Variants in CNNM4 observed in about 807,000 individuals in gnomAD.
CNNM4 encodes the protein metal transporter CNNM4.
In CNNM4, 32 loss-of-function variants were observed where a neutral mutation model predicts 53.7. The ratio of observed to expected loss-of-function variants is 0.60; its 90% CI spans 0.45 to 0.80. The LOEUF is 0.80. CNNM4 is among the 30% of genes least tolerant of loss of function. The probability of loss-of-function intolerance (pLI) is 0.00; values close to 1 mark genes in which losing one functional copy is unlikely to be tolerated. For missense variants in CNNM4, 784 were observed against 1,022.0 expected, an observed-to-expected ratio of 0.77 and a Z score of 3.17; for synonymous variants, 410 against 440.0, an observed-to-expected ratio of 0.93 and a Z score of 0.85.
In CNNM4 at chr2:96,810,775, T is replaced by A. The variant is rs916278651; in HGVS notation, c.*1258T>A. The A allele has an allele frequency of 6.6e-6, 1 of 152,260 alleles. No homozygotes were observed. Among genetic ancestry groups the A allele is most frequent in the African/African-American group, 2.4e-5 (1 of 41,458 alleles). The allele number at this position is 152,260 out of a possible 1,614,324, so 9.4% of individuals were successfully genotyped here. ...CTAAAGGCATGCAGCTTGCAGCCCC[T>A]CTTTCTCACACGTGTGATCCTAGCG... On this transcript the variant is annotated 3_prime_UTR_variant, in exon 7 of 7. Coordinates refer to ENST00000377075, the MANE Select transcript of CNNM4 (RefSeq NM_020184.4). This position sits in a 1 kb window ranked among gnomAD's most constrained non-coding sequence, Gnocchi z 4.1.
Position 96,797,286 on chromosome 2 carries a change from C to T in CNNM4, c.1546+131C>T. 7.2e-7 allele frequency: 1 copy of T among 1,397,484 alleles called. No individual in the cohort carries two copies. Among genetic ancestry groups the T allele is most frequent in the Non-Finnish European group, 1.0e-6 (1 of 1,002,646 alleles). 86.6% of individuals were successfully genotyped at this position (1,397,484 alleles called of 1,614,324 possible). Reference sequence around the variant, plus strand: ...TCCAGAGGCCCAGTGGCTGGGTGCCCTGCACTGGCCGGGGTGAGCAGGGAG... The same window carrying T: ...TCCAGAGGCCCAGTGGCTGGGTGCCTTGCACTGGCCGGGGTGAGCAGGGAG... On this transcript the variant is annotated intron_variant, in intron 2 of 6. Transcript: ENST00000377075. The surrounding 1 kb of genome is among the most constrained non-coding windows in gnomAD (Gnocchi z 6.0).
chr2:96,803,369 T>G (rs1246007689), intron 5 of CNNM4, among the ~76,000 whole-genome samples: 1 of 152,190 alleles, frequency 6.6e-6, no homozygotes, highest in Non-Finnish European at 1.5e-5. Context: ...AGCAAAAAAC[T>G]TTCCCTGTGT....
intron 1 of CNNM4, among the ~76,000 whole-genome samples, chr2:96,780,314 G>A (rs2078962781): frequency 6.6e-6 from 1 of 152,040 alleles, no homozygotes; most frequent in Non-Finnish European, 1.5e-5. Context: ...ACCCCAGCTG[G>A]GGTGTACTGT....
chr2:96,799,596 G>A lies in CNNM4; in HGVS notation c.1896G>A (p.Glu632=), dbSNP rs1411591278. 5 of 1,555,004 alleles carry A rather than the reference G, an allele frequency of 3.2e-6. No homozygotes were observed. In the African/African-American group the frequency reaches 6.8e-5, roughly 21 times the overall value. The change falls in exon 5 of 7, where the codon GAG becomes GAA. Residue 632 remains glutamate, a synonymous_variant. Transcript: ENST00000377075. ...CAGGGAAGGAGAACATGAAGTTTGAGACGGGCGCCTTCTCCTACTATGGGA... is the reference window on the plus strand; with the variant it reads ...CAGGGAAGGAGAACATGAAGTTTGAAACGGGCGCCTTCTCCTACTATGGGA... ...VEAGKENMKF[E]TGAFSYYGTM...
chr2:96,767,809 C>T (rs1374895334), intron 1 of CNNM4, among the ~76,000 whole-genome samples: 3 of 152,204 alleles, frequency 2.0e-5, no homozygotes, highest in African/African-American at 4.8e-5. Flanking sequence ...CTGTGGCTCA[C>T]GCCTGTAATC....
chr2:96,796,939 G>A, intron 1 of CNNM4, 73 bp from the exon 2 acceptor site: 2 of 1,516,582 alleles, frequency 1.3e-6, no homozygotes, highest in Non-Finnish European at 1.8e-6. Context: ...TACGTCTAGA[G>A]TTAATGTTTT....
At chr2:96,778,771 T>C (rs902762924) in intron 1 of CNNM4, among the ~76,000 whole-genome samples, 8 of 151,846 alleles carry the variant, frequency 5.3e-5, no homozygotes, top group Non-Finnish European at 1.2e-4. Flanking sequence ...GAACCCTTTA[T>C]CAGACATATG....
intron 1 of CNNM4, among the ~76,000 whole-genome samples, chr2:96,767,412 G>T (rs1392696598): frequency 6.6e-6 from 1 of 152,076 alleles, no homozygotes; most frequent in Non-Finnish European, 1.5e-5. Flanking sequence ...GTCCACCTTG[G>T]AATCTCAGAA....
chr2:96,790,028 A>T (rs1285731669), intron 1 of CNNM4, among the ~76,000 whole-genome samples: 5 of 55,504 alleles, frequency 9.0e-5, no homozygotes, highest in African/African-American at 1.5e-4. Context: ...TTTTTTTTTG[A>T]GACGGAGTCT....
At chr2:96,806,785 C>T (rs1239920454) in intron 5 of CNNM4, among the ~76,000 whole-genome samples, 2 of 152,064 alleles carry the variant, frequency 1.3e-5, no homozygotes, top group Non-Finnish European at 1.5e-5. Context: ...TATACAGTAA[C>T]GTATATCATT....
intron 1 of CNNM4, among the ~76,000 whole-genome samples, chr2:96,792,417 T>C (rs936556952): frequency 3.3e-5 from 5 of 152,168 alleles, no homozygotes; most frequent in African/African-American, 1.2e-4. Flanking sequence ...AAAATAATTC[T>C]TTCCATCTTC....
chr2:96,769,250 C>T (rs2078846843), intron 1 of CNNM4, among the ~76,000 whole-genome samples: 2 of 150,754 alleles, frequency 1.3e-5, no homozygotes, highest in Non-Finnish European at 3.0e-5. Context: ...GACTCCGTCT[C>T]AATAAAAAAG....
chr2:96,771,278 C>T (rs2078866662), intron 1 of CNNM4, among the ~76,000 whole-genome samples: 1 of 150,414 alleles, frequency 6.6e-6, no homozygotes, highest in South Asian at 2.1e-4. Context: ...GCTTATTCCA[C>T]TGTTAGATGA....
chr2:96,765,046 T>G (rs2078803139), intron 1 of CNNM4, among the ~76,000 whole-genome samples: 2 of 137,640 alleles, frequency 1.5e-5, no homozygotes, highest in Admixed American at 7.2e-5. Context: ...TTTTTTTTTT[T>G]TTTTTTTTTT....
intron 1 of CNNM4, among the ~76,000 whole-genome samples, chr2:96,772,546 C>T (rs779404896): frequency 3.0e-5 from 4 of 133,348 alleles, no homozygotes; most frequent in Admixed American, 7.8e-5. Context: ...CACACACATG[C>T]GTGCACACAC....
intron 1 of CNNM4, among the ~76,000 whole-genome samples, chr2:96,771,572 G>T (rs1321502263): frequency 6.6e-6 from 1 of 152,000 alleles, no homozygotes; most frequent in African/African-American, 2.4e-5. Flanking sequence ...ATTTTAGCCG[G>T]TCGTGGTGGT....
Position 96,808,845 on chromosome 2 carries a change from G to A in CNNM4, c.2130+103G>A, listed in dbSNP as rs1243284177. The A allele has an allele frequency of 8.4e-7, 1 of 1,184,552 alleles. No individual in the cohort carries two copies. The highest frequency in any genetic ancestry group is 2.5e-5 in the East Asian group (1 of 40,812). 73.4% of individuals were successfully genotyped at this position (1,184,552 alleles called of 1,614,324 possible). On this transcript the variant is annotated intron_variant, in intron 6 of 6. Transcript: ENST00000377075. This position sits in a 1 kb window ranked among gnomAD's most constrained non-coding sequence, Gnocchi z 4.9. Reference sequence around the variant, plus strand: ...AGCATGGTGGGCCCAAACCCGAGATGCCTTTTTCTTCTGGAGATGGGGTCT... The same window carrying A: ...AGCATGGTGGGCCCAAACCCGAGATACCTTTTTCTTCTGGAGATGGGGTCT...
intron 5 of CNNM4, among the ~76,000 whole-genome samples, chr2:96,803,776 CAT>C (rs2079178598): frequency 6.6e-6 from 1 of 151,492 alleles, no homozygotes; most frequent in African/African-American, 2.4e-5. Context: ...TTGCTTTACT[CAT>C]AAAAGTAAGG....
intron 5 of CNNM4, 93 bp downstream of exon 5, chr2:96,799,741 C>A: frequency 9.2e-7 from 1 of 1,086,726 alleles, no homozygotes; most frequent in Non-Finnish European, 1.4e-6. Context: ...GGCCCGAGAG[C>A]TCATAGCCAG....
Sources: allele counts gnomAD v4.1 joint callset (sites outside exome capture counted in the v4.1 genomes callset), GRCh38; gene constraint gnomAD v4.1.1; non-coding constraint Gnocchi (gnomAD v3.1); transcripts MANE v1.5; gene names NCBI Gene and HGNC (gene_info 2026-07-23, HGNC 2026-07-21).